NPIPB2: variants seen among roughly 807,000 people sequenced by gnomAD.
NPIPB2 encodes nuclear pore complex-interacting protein family member B2.
A neutral mutation model predicts 30.8 loss-of-function variants in NPIPB2; 27 were observed. The observed-to-expected ratio is 0.88, with a 90% CI of 0.65 to 1.21. The LOEUF is 1.21. Among genes scored for constraint, NPIPB2 ranks in the 50% most tolerant of loss-of-function variants. The pLI is 0.00. For synonymous variants in NPIPB2, 147 were observed against 162.0 expected (o/e 0.91, Z 0.70); for missense variants, 440 against 446.2 (o/e 0.99, Z 0.13).
At chr16:11,953,379 G>T (rs918348662) in intron 1 of NPIPB2, among the ~76,000 whole-genome samples, 1 of 152,026 alleles carries the variant, frequency 6.6e-6, no homozygotes, top group African/African-American at 2.4e-5. Flanking sequence ...GTCTTGCTCT[G>T]TTGCTCAGGG....
At chr16:11,970,022 C>T (rs1023426662) in intron 1 of NPIPB2, among the ~76,000 whole-genome samples, 4 of 151,714 alleles carry the variant, frequency 2.6e-5, no homozygotes, top group African/African-American at 4.8e-5. Flanking sequence ...CCACCACACC[C>T]GGCCTATACT....
intron 1 of NPIPB2, among the ~76,000 whole-genome samples, chr16:11,948,832 T>C (rs1324769927): frequency 6.7e-6 from 1 of 148,654 alleles, no homozygotes; most frequent in Non-Finnish European, 1.5e-5. Context: ...AGGTTTGCTG[T>C]GAGCATTGAA....
chr16:11,975,004 G>C (rs1294499366), intron 1 of NPIPB2, among the ~76,000 whole-genome samples: 4 of 150,426 alleles, frequency 2.7e-5, no homozygotes, highest in African/African-American at 9.7e-5. Context: ...GAACCCGGGA[G>C]GTGGAGGTTG....
At chr16:11,959,338 T>C (rs1409672041) in intron 1 of NPIPB2, among the ~76,000 whole-genome samples, 1 of 152,108 alleles carries the variant, frequency 6.6e-6, no homozygotes, top group Non-Finnish European at 1.5e-5. Flanking sequence ...TCCCAGCACT[T>C]TGGGAGGCTG....
chr16:11,973,512 G>C (rs754643281), intron 1 of NPIPB2, among the ~76,000 whole-genome samples: 1 of 152,152 alleles, frequency 6.6e-6, no homozygotes, highest in Non-Finnish European at 1.5e-5. Flanking sequence ...TTGTACCCTG[G>C]GGGAGAACCA....
chr16:11,943,214 G>A (rs1336540041), upstream of NPIPB2, among the ~76,000 whole-genome samples: 3 of 152,022 alleles, frequency 2.0e-5, no homozygotes, highest in African/African-American at 7.2e-5. Context: ...ACCTACTTGG[G>A]AGGCTGAGGC....
intron 1 of NPIPB2, among the ~76,000 whole-genome samples, chr16:11,971,640 G>A (rs1037000359): frequency 1.3e-5 from 2 of 151,970 alleles, no homozygotes; most frequent in Non-Finnish European, 2.9e-5. Context: ...GATTACAACT[G>A]TGCGGCACCA....
chr16:11,939,095 A>G (rs2054904649), intron 1 of NPIPB2, among the ~76,000 whole-genome samples: 1 of 152,118 alleles, frequency 6.6e-6, no homozygotes, highest in Non-Finnish European at 1.5e-5. Flanking sequence ...AAATTGATGT[A>G]TAACATTGGA....
intron 1 of NPIPB2, among the ~76,000 whole-genome samples, chr16:11,957,258 G>C (rs927406040): frequency 2.0e-5 from 3 of 150,360 alleles, no homozygotes; most frequent in Non-Finnish European, 2.9e-5. Flanking sequence ...TCCGCCTCTT[G>C]GGTTCAAGCG....
intron 4 of NPIPB2, 117 bp downstream of exon 4, chr16:11,933,400 T>G: frequency 6.8e-7 from 1 of 1,470,142 alleles, no homozygotes; most frequent in Non-Finnish European, 9.2e-7. Flanking sequence ...AAACTCAATT[T>G]TGAACCCACT....
At chr16:11,976,241 C>T (rs1319184845) in intron 1 of NPIPB2, among the ~76,000 whole-genome samples, 1 of 152,104 alleles carries the variant, frequency 6.6e-6, no homozygotes, top group African/African-American at 2.4e-5. Flanking sequence ...TTTTCTCACT[C>T]ATCCCCTCGC....
intron 1 of NPIPB2, chr16:11,968,679 T>C (rs2055215450): frequency 2.6e-5 from 4 of 152,132 alleles, no homozygotes; most frequent in Admixed American, 2.6e-4. Context: ...CTGTGTAGCA[T>C]TTAACACAGA....
At chr16:11,966,649 T>C (rs1372872406) in intron 1 of NPIPB2, among the ~76,000 whole-genome samples, 1 of 152,212 alleles carries the variant, frequency 6.6e-6, no homozygotes, top group South Asian at 2.1e-4. Context: ...ATCGATTAAA[T>C]GCCACATTAT....
At chr16:11,966,454 A>G (rs2055195070) in intron 1 of NPIPB2, 2 of 1,104,940 alleles carry the variant, frequency 1.8e-6, no homozygotes, top group Non-Finnish European at 2.6e-6. Flanking sequence ...GCCCTTTCGA[A>G]TGTGTTAGAA....
upstream of NPIPB2, among the ~76,000 whole-genome samples, chr16:11,943,997 C>CAAACAAA (rs2054973416): frequency 2.0e-5 from 1 of 50,348 alleles, no homozygotes; most frequent in Non-Finnish European, 3.3e-5. Flanking sequence ...GACTCTGTCT[C>CAAACAAA]AAAAAAAAAA....
chr16:11,937,140 C>G (rs2054878042), intron 2 of NPIPB2, among the ~76,000 whole-genome samples: 1 of 152,158 alleles, frequency 6.6e-6, no homozygotes, highest in African/African-American at 2.4e-5. Flanking sequence ...TCCTGTTAAG[C>G]TGTCTTTTCA....
rs2054934643 is a variant in NPIPB2, at chr16:11,941,225, G to C, written c.63+758C>G. On this transcript the variant is annotated intron_variant, in intron 1 of 7. Transcript: ENST00000399147. ...AGGAGCCAAAAGAGGAGCCAAAAGAGCATCCACAGCACCCGCATGTCCTGG... is the reference window on the plus strand; with the variant it reads ...AGGAGCCAAAAGAGGAGCCAAAAGACCATCCACAGCACCCGCATGTCCTGG... The C allele has an allele frequency of 7.2e-6, 11 of 1,526,520 alleles. No individual in the cohort carries two copies. In the South Asian group the frequency reaches 1.2e-4, roughly 17 times the overall value. The allele number at this position is 1,526,520 out of a possible 1,614,324, so 94.6% of individuals were successfully genotyped here.
In NPIPB2 at chr16:11,940,348, CAAAT is replaced by C. The variant is rs1227562956; in HGVS notation, c.63+1631_63+1634del. 6.8e-4 allele frequency among the ~76,000 whole-genome samples: 81 copies of C among 119,554 alleles called. No individual in the cohort carries two copies. The Middle Eastern group carries it at 0.022, about 32-fold the overall frequency. 78.4% of individuals were successfully genotyped at this position (119,554 alleles called of 152,430 possible). A position where few individuals can be genotyped will look rare whatever the true frequency, so the allele number is the denominator to read the frequency against. ...CTCAGCAACAAGGGAGAAACTGTCTCAAATAAATAAATAAATAAATAAAATAATG... is the reference window on the plus strand; with the variant it reads ...CTCAGCAACAAGGGAGAAACTGTCTCAAATAAATAAATAAATAAAATAATG... On this transcript the variant is annotated intron_variant, in intron 1 of 7. Transcript: ENST00000399147.
chr16:11,940,889 C>T (rs1426558510), intron 1 of NPIPB2, among the ~76,000 whole-genome samples: 1 of 149,338 alleles, frequency 6.7e-6, no homozygotes, highest in Non-Finnish European at 1.5e-5. Flanking sequence ...CTCACTGCAA[C>T]GTCCAGCTCC....
Sources: allele counts gnomAD v4.1 joint callset (sites outside exome capture counted in the v4.1 genomes callset), GRCh38; gene constraint gnomAD v4.1.1; transcripts MANE v1.5; gene names NCBI Gene and HGNC (gene_info 2026-07-23, HGNC 2026-07-21).